NKAIN3: variants seen among roughly 807,000 people sequenced by gnomAD.
NKAIN3 encodes the protein sodium/potassium-transporting ATPase subunit beta-1-interacting protein 3.
A neutral mutation model predicts 30.2 loss-of-function variants in NKAIN3; 25 were observed. The ratio of observed to expected loss-of-function variants is 0.83; its 90% CI spans 0.60 to 1.16. The LOEUF is 1.16. Ranked by LOEUF, NKAIN3 falls within the 50% of genes most tolerant of loss-of-function variation. The pLI is 0.00. For missense variants in NKAIN3, 225 were observed against 254.1 expected (o/e 0.89, Z 0.78); for synonymous variants, 91 against 89.6 (o/e 1.02, Z -0.09).
intron 5 of NKAIN3, among the ~76,000 whole-genome samples, chr8:62,946,693 T>A (rs777833272): frequency 1.2e-4 from 19 of 152,172 alleles, no homozygotes; most frequent in Non-Finnish European, 1.6e-4. Flanking sequence ...AATGTTTCTT[T>A]AAGATGTTAT....
intron 1 of NKAIN3, among the ~76,000 whole-genome samples, chr8:62,458,280 A>G (rs1805880967): frequency 6.6e-6 from 1 of 152,226 alleles, no homozygotes; most frequent in South Asian, 2.1e-4. Context: ...CCTAAGGAGT[A>G]AGGAAAGCTA....
chr8:62,314,066 G>GT (rs1814536069), intron 1 of NKAIN3, among the ~76,000 whole-genome samples: 1 of 152,080 alleles, frequency 6.6e-6, no homozygotes, highest in Non-Finnish European at 1.5e-5. Context: ...ACATCCTACA[G>GT]TGGGTGAATC....
intron 1 of NKAIN3, among the ~76,000 whole-genome samples, chr8:62,503,858 A>C (rs1029074040): frequency 6.6e-6 from 1 of 152,226 alleles, no homozygotes; most frequent in African/African-American, 2.4e-5. Context: ...CTGATTTCAT[A>C]CTGTTCAAAC....
At chr8:62,586,469 CAT>C (rs1453857290) in intron 2 of NKAIN3, among the ~76,000 whole-genome samples, 2 of 152,082 alleles carry the variant, frequency 1.3e-5, no homozygotes, top group Admixed American at 1.3e-4. Flanking sequence ...TTGAGATGTT[CAT>C]ATGTCTTTTT....
At chr8:62,522,240 C>T (rs953466409) in intron 1 of NKAIN3, among the ~76,000 whole-genome samples, 2 of 152,066 alleles carry the variant, frequency 1.3e-5, no homozygotes, top group South Asian at 2.1e-4. Context: ...AAATTCCTAT[C>T]GCCTAATGAT....
intron 1 of NKAIN3, among the ~76,000 whole-genome samples, chr8:62,513,403 A>G (rs759203850): frequency 2.3e-4 from 35 of 152,052 alleles, no homozygotes; most frequent in Non-Finnish European, 8.8e-5. Flanking sequence ...TCACAAAAAC[A>G]TGGTCATAAA....
Position 62,306,577 on chromosome 8 carries a change from T to TGTGTGTGTGTTG in NKAIN3, c.54+57450_54+57451insGTGTGTGTGTTG, listed in dbSNP as rs369616688. ...GTGTGTGTGTGTGTGTGTGTGTGTG[T>TGTGTGTGTGTTG]TGTGTGTGTGTTTAGTTTATGTGTG... On this transcript the variant is annotated intron_variant, in intron 1 of 6. Transcript: ENST00000623646. 2.3e-3 allele frequency among the ~76,000 whole-genome samples: 284 copies of TGTGTGTGTGTTG among 123,708 alleles called. 8 individuals carry two copies. Among genetic ancestry groups the TGTGTGTGTGTTG allele is most frequent in the African/African-American group, 8.7e-3 (268 of 30,890 alleles). The allele number at this position is 123,708 out of a possible 152,430, so 81.2% of individuals were successfully genotyped here.
At chr8:62,544,540 A>G (rs1217894720) in intron 1 of NKAIN3, among the ~76,000 whole-genome samples, 3 of 152,088 alleles carry the variant, frequency 2.0e-5, no homozygotes, top group Admixed American at 6.5e-5. Context: ...TTTTTAATCA[A>G]AAAAGTAGTA....
intron 1 of NKAIN3, among the ~76,000 whole-genome samples, chr8:62,560,667 G>A (rs914420582): frequency 6.1e-5 from 9 of 148,404 alleles, no homozygotes; most frequent in African/African-American, 2.2e-4. Flanking sequence ...AGCCTCCCAA[G>A]TAGCTGAGAT....
At chr8:62,364,264 A>G (rs1816656880) in intron 1 of NKAIN3, among the ~76,000 whole-genome samples, 1 of 152,220 alleles carries the variant, frequency 6.6e-6, no homozygotes, top group Non-Finnish European at 1.5e-5. Flanking sequence ...TTAACATACA[A>G]AAAGTTAATT....
At chr8:62,699,520 A>C (rs1814265838) in intron 3 of NKAIN3, among the ~76,000 whole-genome samples, 1 of 152,206 alleles carries the variant, frequency 6.6e-6, no homozygotes, top group East Asian at 1.9e-4. Context: ...ATGCTTCTAA[A>C]TATCTGCTTC....
chr8:62,451,513 C>T (rs1805642379), intron 1 of NKAIN3, among the ~76,000 whole-genome samples: 1 of 152,150 alleles, frequency 6.6e-6, no homozygotes, highest in Non-Finnish European at 1.5e-5. Flanking sequence ...AACGTATAAG[C>T]ACCACGTGAG....
At chr8:62,585,080 C>CT (rs1164668600) in intron 2 of NKAIN3, among the ~76,000 whole-genome samples, 3 of 152,192 alleles carry the variant, frequency 2.0e-5, no homozygotes, top group Admixed American at 6.5e-5. Context: ...AATCTCAGAA[C>CT]ATGACAGCAA....
At chr8:62,583,605 G>A (rs1328537812) in intron 2 of NKAIN3, among the ~76,000 whole-genome samples, 1 of 152,178 alleles carries the variant, frequency 6.6e-6, no homozygotes, top group Non-Finnish European at 1.5e-5. Context: ...CTAGCCCAAG[G>A]AACACAGGTG....
At chr8:62,758,879 C>T (rs1244946967) in intron 4 of NKAIN3, among the ~76,000 whole-genome samples, 1 of 152,092 alleles carries the variant, frequency 6.6e-6, no homozygotes, top group Non-Finnish European at 1.5e-5. Flanking sequence ...CACAAGAATC[C>T]CAATATGAAT....
chr8:62,895,836 G>A (rs1821412570), intron 4 of NKAIN3, among the ~76,000 whole-genome samples: 1 of 152,052 alleles, frequency 6.6e-6, no homozygotes, highest in African/African-American at 2.4e-5. Context: ...TTCAACTCCA[G>A]CTAACTCCCT....
At chr8:62,438,589 G>T (rs1489565624) in intron 1 of NKAIN3, among the ~76,000 whole-genome samples, 2 of 152,018 alleles carry the variant, frequency 1.3e-5, no homozygotes, top group South Asian at 2.1e-4. Flanking sequence ...TGAGAAGGAG[G>T]CTCACTCTGT....
At chr8:62,327,259 C>T (rs955180132) in intron 1 of NKAIN3, among the ~76,000 whole-genome samples, 12 of 152,042 alleles carry the variant, frequency 7.9e-5, no homozygotes, top group East Asian at 5.8e-4. Flanking sequence ...TGTCCCATTC[C>T]GTGGATTGCC....
intron 1 of NKAIN3, among the ~76,000 whole-genome samples, chr8:62,321,255 T>A (rs1411027097): frequency 6.6e-6 from 1 of 152,204 alleles, no homozygotes; most frequent in African/African-American, 2.4e-5. Context: ...TCAAAGTTTT[T>A]AACTTCTTTG....
Sources: allele counts gnomAD v4.1 joint callset (sites outside exome capture counted in the v4.1 genomes callset), GRCh38; gene constraint gnomAD v4.1.1; transcripts MANE v1.5; gene names NCBI Gene and HGNC (gene_info 2026-07-23, HGNC 2026-07-21).